MEMO1: variants seen among roughly 807,000 people sequenced by gnomAD.
MEMO1 encodes the protein mediator of cell motility 1.
In MEMO1, 6 loss-of-function variants were observed where a neutral mutation model predicts 45.2. The observed-to-expected ratio is 0.13, with a 90% CI of 0.07 to 0.26. MEMO1 has a LOEUF of 0.26. Among genes scored for constraint, MEMO1 ranks in the 10% least tolerant of loss-of-function variants. The probability of loss-of-function intolerance (pLI) is 1.00; values close to 1 mark genes in which losing one functional copy is unlikely to be tolerated. For missense variants in MEMO1, 184 were observed against 370.5 expected (o/e 0.50, Z 4.13); for synonymous variants, 78 against 124.3 (o/e 0.63, Z 2.48).
chr2:31,918,611 C>A (rs902395286), intron 5 of MEMO1, among the ~76,000 whole-genome samples: 7 of 152,066 alleles, frequency 4.6e-5, no homozygotes, highest in African/African-American at 1.7e-4. Flanking sequence ...CAAAATTAAG[C>A]TTGTAGGATG....
chr2:31,886,743 T>C (rs894105893), intron 7 of MEMO1, among the ~76,000 whole-genome samples: 6 of 152,220 alleles, frequency 3.9e-5, no homozygotes, highest in African/African-American at 1.4e-4. Context: ...TTGTACTTTT[T>C]AAGTATGAAT....
At chr2:31,955,370 C>T (rs1423192175) in intron 2 of MEMO1, among the ~76,000 whole-genome samples, 1 of 152,120 alleles carries the variant, frequency 6.6e-6, no homozygotes, top group Non-Finnish European at 1.5e-5. Flanking sequence ...TAAATAAACA[C>T]ATTAATTTTA....
chr2:31,894,263 G>T (rs1677387712), intron 6 of MEMO1, among the ~76,000 whole-genome samples: 1 of 152,174 alleles, frequency 6.6e-6, no homozygotes, highest in African/African-American at 2.4e-5. Context: ...CATCTTACCA[G>T]GAGCTGCCTC....
intron 2 of MEMO1, among the ~76,000 whole-genome samples, chr2:32,008,374 G>A (rs527728009): frequency 6.6e-6 from 1 of 152,304 alleles, no homozygotes; most frequent in South Asian, 2.1e-4. Flanking sequence ...TCACGAAGTC[G>A]GGAGTTAGAG....
chr2:31,880,567 G>A (rs781444996), intron 8 of MEMO1, among the ~76,000 whole-genome samples: 1 of 152,078 alleles, frequency 6.6e-6, no homozygotes, highest in Admixed American at 6.6e-5. Flanking sequence ...TAAAACATAT[G>A]CATAAGGCTT....
intron 5 of MEMO1, among the ~76,000 whole-genome samples, chr2:31,919,833 A>T (rs1328480623): frequency 1.3e-5 from 2 of 151,814 alleles, no homozygotes; most frequent in South Asian, 2.1e-4. Context: ...TAAAAACAAA[A>T]ATATATATAT....
intron 6 of MEMO1, among the ~76,000 whole-genome samples, chr2:31,915,893 GA>G (rs1681364372): frequency 2.0e-5 from 3 of 152,032 alleles, no homozygotes. Flanking sequence ...CTTAGTAAAA[GA>G]TAACTAATAT....
chr2:31,917,087 T>C (rs1681562637), intron 6 of MEMO1, among the ~76,000 whole-genome samples: 1 of 152,206 alleles, frequency 6.6e-6, no homozygotes, highest in South Asian at 2.1e-4. Context: ...TCTTAGACTT[T>C]ATTAGTACAT....
chr2:31,899,070 T>C (rs1021217301), intron 6 of MEMO1, among the ~76,000 whole-genome samples: 2 of 152,192 alleles, frequency 1.3e-5, no homozygotes, highest in African/African-American at 2.4e-5. Context: ...CCCACGCTCA[T>C]GGATAGGAAG....
At chr2:31,964,419 G>A (rs898065264) in intron 2 of MEMO1, among the ~76,000 whole-genome samples, 6 of 152,160 alleles carry the variant, frequency 3.9e-5, no homozygotes, top group Non-Finnish European at 7.3e-5. Context: ...CGAGTAGGCC[G>A]GGTGCGGTGG....
At chr2:31,902,543 A>C (rs1679018763) in intron 6 of MEMO1, among the ~76,000 whole-genome samples, 1 of 152,178 alleles carries the variant, frequency 6.6e-6, no homozygotes, top group Non-Finnish European at 1.5e-5. Flanking sequence ...TTACTATCCT[A>C]AGCCTCAATT....
At chr2:31,980,223 T>C (rs1670479398) in intron 2 of MEMO1, among the ~76,000 whole-genome samples, 1 of 152,094 alleles carries the variant, frequency 6.6e-6, no homozygotes, top group African/African-American at 2.4e-5. Flanking sequence ...CTTGAAGCCA[T>C]GAGCTGGAGA....
intron 6 of MEMO1, among the ~76,000 whole-genome samples, chr2:31,901,374 C>CAAAAAAAAAA (rs70964738): frequency 4.4e-5 from 1 of 22,690 alleles, no homozygotes; most frequent in Non-Finnish European, 9.5e-5. Flanking sequence ...CTCTGTCTCA[C>CAAAAAAAAAA]AAAAAAAAAA....
intron 8 of MEMO1, among the ~76,000 whole-genome samples, chr2:31,881,688 C>A (rs912491947): frequency 6.6e-6 from 1 of 151,742 alleles, no homozygotes. Flanking sequence ...TAATAGATAC[C>A]TGAAGGCTCC....
chr2:31,905,295 G>A (rs754292338), intron 6 of MEMO1, among the ~76,000 whole-genome samples: 2 of 152,156 alleles, frequency 1.3e-5, no homozygotes, highest in Non-Finnish European at 2.9e-5. Flanking sequence ...GAAAAAAGTA[G>A]AGGATAGGGG....
rs370773425 is a variant in MEMO1, at chr2:31,933,351, TTATATATATATATATATATATA to T, written c.144-1238_144-1217del. Among the ~76,000 whole-genome samples the T allele has an allele frequency of 2.9e-4, 13 of 45,088 alleles. 1 individual carries two copies. The East Asian group carries it at 3.0e-3, about 10-fold the overall frequency. The allele number at this position is 45,088 out of a possible 152,430, so 29.6% of individuals were successfully genotyped here. A position where few individuals can be genotyped will look rare whatever the true frequency, so the allele number is the denominator to read the frequency against. On this transcript the variant is annotated intron_variant, in intron 3 of 9. Transcript: ENST00000404530. Reference sequence around the variant, plus strand: ...AAAAAAAAAAAAAAAAAAAAAAAATTTATATATATATATATATATATATATATATATAGAAAGGGGAAGAGAG... The same window carrying T: ...AAAAAAAAAAAAAAAAAAAAAAAATTTATATATATAGAAAGGGGAAGAGAG...
chr2:31,899,299 A>G (rs1461571115), intron 6 of MEMO1, among the ~76,000 whole-genome samples: 1 of 152,246 alleles, frequency 6.6e-6, no homozygotes, highest in Admixed American at 6.5e-5. Context: ...ACAAGGCTAC[A>G]GTAACCAAAA....
intron 2 of MEMO1, among the ~76,000 whole-genome samples, chr2:31,992,763 GAC>G (rs1425766827): frequency 6.6e-6 from 1 of 151,854 alleles, no homozygotes; most frequent in Non-Finnish European, 1.5e-5. Flanking sequence ...CAGCCTGGGT[GAC>G]AGAGTGAGAC....
At chr2:31,949,713 C>T (rs947797551) in intron 2 of MEMO1, among the ~76,000 whole-genome samples, 10 of 149,226 alleles carry the variant, frequency 6.7e-5, no homozygotes, top group African/African-American at 2.2e-4. Flanking sequence ...AGGTTAGCTA[C>T]AGTCAGTAAC....
Sources: gnomAD v4.1 joint callset for allele counts (sites outside exome capture counted in the v4.1 genomes callset) on GRCh38, gnomAD v4.1.1 for gene constraint, MANE v1.5 for transcripts, NCBI Gene and HGNC (gene_info 2026-07-23, HGNC 2026-07-21) for gene names.